The following DCC variants were observed in gnomAD, a reference collection of about 807,000 sequenced individuals.
The protein encoded by DCC is netrin receptor DCC.
Under a neutral mutation model 172.5 loss-of-function variants are expected in DCC, and 58 were observed. The ratio of observed to expected loss-of-function variants is 0.34; its 90% CI spans 0.27 to 0.42. The LOEUF is 0.42. DCC is among the 10% of genes least tolerant of loss of function. The probability of loss-of-function intolerance (pLI) is 1.00; values close to 1 mark genes in which losing one functional copy is unlikely to be tolerated. For synonymous variants in DCC, 709 were observed against 644.5 expected (o/e 1.10, Z -1.52); for missense variants, 1,740 against 1,791.0 (o/e 0.97, Z 0.51).
chr18:52,644,573 C>T (rs570582881), intron 1 of DCC, among the ~76,000 whole-genome samples: 203 of 71,686 alleles, frequency 2.8e-3, no homozygotes, highest in African/African-American at 0.012. Flanking sequence ...AGTCAGACTC[C>T]GTCTCAAAAA....
chr18:52,899,211 G>C (rs1314166802), intron 2 of DCC, among the ~76,000 whole-genome samples: 2 of 151,652 alleles, frequency 1.3e-5, no homozygotes, highest in African/African-American at 4.9e-5. Context: ...GTGCAGAAGT[G>C]TGATCATAGC....
intron 2 of DCC, among the ~76,000 whole-genome samples, chr18:52,780,319 G>A (rs970876165): frequency 1.3e-5 from 2 of 152,030 alleles, no homozygotes; most frequent in South Asian, 4.2e-4. Context: ...ACAGTTTTGA[G>A]ATTAATAAAA....
intron 7 of DCC, among the ~76,000 whole-genome samples, chr18:53,070,249 C>G (rs1379564362): frequency 1.3e-5 from 2 of 152,126 alleles, no homozygotes; most frequent in Non-Finnish European, 2.9e-5. Flanking sequence ...ATCCACCTGT[C>G]TCGGCCTCAC....
At chr18:53,479,953 A>G (rs2045812385) in intron 25 of DCC, among the ~76,000 whole-genome samples, 1 of 152,134 alleles carries the variant, frequency 6.6e-6, no homozygotes, top group Admixed American at 6.6e-5. Context: ...TTGTTGTGGA[A>G]ATCTTTCTGG....
intron 7 of DCC, among the ~76,000 whole-genome samples, chr18:53,152,676 G>C (rs1487323514): frequency 6.6e-6 from 1 of 152,142 alleles, no homozygotes; most frequent in East Asian, 1.9e-4. Context: ...ACAGTAATGG[G>C]CCAGAGAGAT....
At chr18:52,730,278 G>C (rs530083126) in intron 1 of DCC, among the ~76,000 whole-genome samples, 1 of 152,172 alleles carries the variant, frequency 6.6e-6, no homozygotes, top group African/African-American at 2.4e-5. Flanking sequence ...GTAAAGACCA[G>C]ACTGTGTTAG....
chr18:53,475,494 G>A (rs1412987110), intron 25 of DCC, among the ~76,000 whole-genome samples: 2 of 152,190 alleles, frequency 1.3e-5, no homozygotes, highest in Non-Finnish European at 2.9e-5. Flanking sequence ...GTGGCTGAAA[G>A]GAGCCAAAAT....
chr18:52,490,974 C>A lies in DCC; in HGVS notation c.91+150096C>A, dbSNP rs568468274. Among the ~76,000 whole-genome samples, 68 of 152,110 alleles carry A rather than the reference C, an allele frequency of 4.5e-4. 1 individual carries two copies. The South Asian group carries it at 9.5e-3, about 21-fold the overall frequency. ...TTCTTCTTTGACACAGGTTTAAACCCAATTAGCATTAATTAGAAGTAAATA... is the reference window on the plus strand; with the variant it reads ...TTCTTCTTTGACACAGGTTTAAACCAAATTAGCATTAATTAGAAGTAAATA... On this transcript the variant is annotated intron_variant, in intron 1 of 28. Coordinates refer to ENST00000442544, the MANE Select transcript of DCC (RefSeq NM_005215.4).
At chr18:52,608,104 T>A (rs961447967) in intron 1 of DCC, among the ~76,000 whole-genome samples, 1 of 152,130 alleles carries the variant, frequency 6.6e-6, no homozygotes, top group African/African-American at 2.4e-5. Flanking sequence ...CTTCTTTTCT[T>A]TCTCCCTGTC....
At chr18:52,512,209 G>T (rs2031467661) in intron 1 of DCC, among the ~76,000 whole-genome samples, 1 of 152,154 alleles carries the variant, frequency 6.6e-6, no homozygotes, top group African/African-American at 2.4e-5. Flanking sequence ...TTTATTATTT[G>T]ATTAGTTCAT....
chr18:52,860,323 C>A (rs1412076026), intron 2 of DCC, among the ~76,000 whole-genome samples: 1 of 152,190 alleles, frequency 6.6e-6, no homozygotes, highest in African/African-American at 2.4e-5. Flanking sequence ...ACATTTATAT[C>A]AAGTTGTGTA....
chr18:53,046,323 A>G (rs987907115), intron 5 of DCC, among the ~76,000 whole-genome samples: 13 of 151,896 alleles, frequency 8.6e-5, no homozygotes, highest in African/African-American at 3.1e-4. Context: ...GTTTTAAGCA[A>G]TGCATTAATG....
At chr18:52,719,783 C>T (rs1321862517) in intron 1 of DCC, among the ~76,000 whole-genome samples, 2 of 152,058 alleles carry the variant, frequency 1.3e-5, no homozygotes, top group African/African-American at 4.8e-5. Context: ...AGCCAGGTAC[C>T]GACTGGAGAA....
intron 1 of DCC, among the ~76,000 whole-genome samples, chr18:52,402,065 G>A (rs900546362): frequency 2.6e-5 from 4 of 151,926 alleles, no homozygotes; most frequent in African/African-American, 9.7e-5. Context: ...TGTATTACTT[G>A]TCAAGGGTTG....
intron 27 of DCC, among the ~76,000 whole-genome samples, chr18:53,513,554 G>A (rs1455784752): frequency 1.3e-5 from 2 of 152,162 alleles, no homozygotes; most frequent in Non-Finnish European, 2.9e-5. Context: ...TCAGTGTGCT[G>A]TATTCAGGAA....
chr18:53,428,490 ATATATT>A (rs1911264062), intron 21 of DCC, among the ~76,000 whole-genome samples: 2 of 52,608 alleles, frequency 3.8e-5, no homozygotes, highest in African/African-American at 1.1e-4. Flanking sequence ...TATATTTTTT[ATATATT>A]TATATTGTAT....
chr18:52,548,312 T>G (rs2032672129), intron 1 of DCC, among the ~76,000 whole-genome samples: 1 of 152,038 alleles, frequency 6.6e-6, no homozygotes, highest in South Asian at 2.1e-4. Flanking sequence ...GGCTTAAATG[T>G]AAATAATTAA....
Position 53,526,762 on chromosome 18 carries a change from A to G in DCC, c.4254+3A>G, listed in dbSNP as rs1414008365. 6.2e-7 allele frequency: 1 copy of G among 1,613,308 alleles called. No homozygotes were observed. On this transcript the variant is annotated splice_donor_region_variant and intron_variant, in intron 28 of 28. Coordinates refer to ENST00000442544, the MANE Select transcript of DCC (RefSeq NM_005215.4). ...AACCAACAGAGGATTCAGCCAATGT[A>G]AGGGCATCTTTAAAATTCATGCTTC...
At chr18:53,179,231 T>C in intron 9 of DCC, 115 bp downstream of exon 9, 1 of 1,047,070 alleles carries the variant, frequency 9.6e-7, no homozygotes, top group Non-Finnish European at 1.4e-6. Flanking sequence ...GAGTTTTTTT[T>C]CTTCTAAGTA....
Sources: gnomAD v4.1 joint callset for allele counts (sites outside exome capture counted in the v4.1 genomes callset) on GRCh38, gnomAD v4.1.1 for gene constraint, MANE v1.5 for transcripts, NCBI Gene and HGNC (gene_info 2026-07-23, HGNC 2026-07-21) for gene names.